The following FTO variants were observed in gnomAD, a reference collection of about 807,000 sequenced individuals.
The protein encoded by FTO is alpha-ketoglutarate-dependent dioxygenase FTO.
FTO carries 47 observed loss-of-function variants against 63.9 expected under a neutral mutation model. The observed-to-expected ratio is 0.74, with a 90% confidence interval of 0.58 to 0.94. The LOEUF is 0.94. Among genes scored for constraint, FTO ranks in the 40% least tolerant of loss-of-function variants. FTO has a pLI of 0.00. For missense variants in FTO, 562 were observed against 618.1 expected (o/e 0.91, Z 0.96); for synonymous variants, 207 against 224.4 (o/e 0.92, Z 0.69).
At chr16:53,941,771 C>G (rs569522249) in intron 8 of FTO, among the ~76,000 whole-genome samples, 9 of 152,202 alleles carry the variant, frequency 5.9e-5, no homozygotes, top group African/African-American at 2.2e-4. Flanking sequence ...AGCACTTGAG[C>G]CCAGGAGGCA....
At chr16:54,049,027 T>G (rs530889512) in intron 8 of FTO, among the ~76,000 whole-genome samples, 1 of 152,156 alleles carries the variant, frequency 6.6e-6, no homozygotes, top group East Asian at 1.9e-4. Context: ...TCTTTCTTTT[T>G]TTCCCCCCAG....
chr16:54,072,938 T>C (rs747567200), intron 8 of FTO, among the ~76,000 whole-genome samples: 1 of 152,228 alleles, frequency 6.6e-6, no homozygotes, highest in Non-Finnish European at 1.5e-5. Context: ...TTAAACTTCA[T>C]GTTTTGCAAT....
At chr16:54,050,226 T>C (rs2085281540) in intron 8 of FTO, among the ~76,000 whole-genome samples, 1 of 152,132 alleles carries the variant, frequency 6.6e-6, no homozygotes, top group African/African-American at 2.4e-5. Context: ...GGGACTCAGA[T>C]GTTAAAGGCC....
At chr16:54,089,743 A>C (rs1425521950) in intron 8 of FTO, among the ~76,000 whole-genome samples, 1 of 152,210 alleles carries the variant, frequency 6.6e-6, no homozygotes, top group Non-Finnish European at 1.5e-5. Flanking sequence ...ACATTTCTCC[A>C]AAGAAGATAT....
chr16:54,076,638 T>A (rs1430278939), intron 8 of FTO, among the ~76,000 whole-genome samples: 1 of 152,170 alleles, frequency 6.6e-6, no homozygotes, highest in Non-Finnish European at 1.5e-5. Flanking sequence ...ATATAAATTA[T>A]GTGGGTGTAA....
At chr16:54,027,150 A>G (rs2084731722) in intron 8 of FTO, among the ~76,000 whole-genome samples, 1 of 152,216 alleles carries the variant, frequency 6.6e-6, no homozygotes, top group South Asian at 2.1e-4. Flanking sequence ...ATTATAGGAC[A>G]TTAGGCTTTT....
At chr16:54,027,828 A>G (rs1424537042) in intron 8 of FTO, among the ~76,000 whole-genome samples, 1 of 152,106 alleles carries the variant, frequency 6.6e-6, no homozygotes, top group Non-Finnish European at 1.5e-5. Flanking sequence ...TTTATAGTGT[A>G]TTGTTCTCAC....
intron 8 of FTO, among the ~76,000 whole-genome samples, chr16:53,971,262 T>G (rs2083311031): frequency 6.6e-6 from 1 of 152,210 alleles, no homozygotes; most frequent in East Asian, 1.9e-4. Context: ...GCTTTCTCCT[T>G]TTTTTGGATT....
chr16:53,931,906 A>ACACACG (rs914415412), intron 7 of FTO, among the ~76,000 whole-genome samples: 2 of 150,170 alleles, frequency 1.3e-5, no homozygotes, highest in African/African-American at 2.5e-5. Context: ...ACACACACAC[A>ACACACG]CGCACATACC....
chr16:54,068,574 C>T (rs563592026), intron 8 of FTO, among the ~76,000 whole-genome samples: 8 of 152,282 alleles, frequency 5.3e-5, no homozygotes, highest in East Asian at 1.9e-4. Flanking sequence ...CAAAGGTTTA[C>T]GATCCTAAAC....
intron 1 of FTO, among the ~76,000 whole-genome samples, chr16:53,792,614 G>T: frequency 6.6e-6 from 1 of 152,216 alleles, no homozygotes; most frequent in Non-Finnish European, 1.5e-5. Flanking sequence ...ACAGTTGGAT[G>T]CTTGGCAGGA....
intron 8 of FTO, among the ~76,000 whole-genome samples, chr16:54,092,026 C>T (rs2144557505): frequency 6.6e-6 from 1 of 152,312 alleles, no homozygotes; most frequent in South Asian, 2.1e-4. Context: ...CCTGTAATCC[C>T]AGCACTTTGG....
chr16:53,951,028 C>T (rs886371898), intron 8 of FTO, among the ~76,000 whole-genome samples: 8 of 152,152 alleles, frequency 5.3e-5, no homozygotes, highest in African/African-American at 1.9e-4. Flanking sequence ...CTTTATGTCC[C>T]GTTCTATATA....
chr16:54,040,883 A>G (rs1459864967), intron 8 of FTO, among the ~76,000 whole-genome samples: 1 of 152,226 alleles, frequency 6.6e-6, no homozygotes, highest in Non-Finnish European at 1.5e-5. Context: ...ACAAAGGAAA[A>G]ATATGCCTAA....
chr16:53,896,988 A>G (rs1288325858), intron 7 of FTO, among the ~76,000 whole-genome samples: 2 of 152,182 alleles, frequency 1.3e-5, no homozygotes, highest in East Asian at 1.9e-4. Context: ...CCGGGAACAC[A>G]TTAAGTTGGC....
chr16:54,081,373 A>G (rs708259), intron 8 of FTO, among the ~76,000 whole-genome samples: 82,229 of 151,938 alleles, frequency 0.54, 23,178 homozygotes, highest in African/African-American at 0.71. Flanking sequence ...TTTTTCTTGG[A>G]CTTATGTGAT....
chr16:53,767,541 CT>C (rs945765112), intron 1 of FTO, among the ~76,000 whole-genome samples: 10 of 151,624 alleles, frequency 6.6e-5, no homozygotes, highest in African/African-American at 2.4e-4. Context: ...TATAATCTGA[CT>C]TTTTTATTTT....
intron 8 of FTO, chr16:53,981,598 C>T (rs1052824443): frequency 6.6e-6 from 1 of 152,096 alleles, no homozygotes; most frequent in Admixed American, 6.6e-5. Context: ...CATGGTGAAA[C>T]CCCATCTCTA....
chr16:54,039,306 A>T (rs2085017070), intron 8 of FTO: 1 of 152,294 alleles, frequency 6.6e-6, no homozygotes, highest in South Asian at 2.1e-4. Flanking sequence ...AGATTTTCTC[A>T]AGAGCAACTT....
Sources: allele counts gnomAD v4.1 joint callset (sites outside exome capture counted in the v4.1 genomes callset), GRCh38; gene constraint gnomAD v4.1.1; transcripts MANE v1.5; gene names NCBI Gene and HGNC (gene_info 2026-07-23, HGNC 2026-07-21).